Variants in GAS7 observed in about 807,000 individuals in gnomAD.
GAS7 encodes the protein growth arrest-specific protein 7.
GAS7 carries 28 observed loss-of-function variants against 71.1 expected under a neutral mutation model. The ratio of observed to expected loss-of-function variants is 0.39; its 90% CI spans 0.29 to 0.54. The LOEUF (loss-of-function observed/expected upper bound fraction) is 0.54. Among genes scored for constraint, GAS7 ranks in the 20% least tolerant of loss-of-function variants. GAS7 has a pLI of 0.62. For synonymous variants in GAS7, 258 were observed against 245.8 expected, an observed-to-expected ratio of 1.05 and a Z score of -0.46; for missense variants, 436 against 627.8, an observed-to-expected ratio of 0.69 and a Z score of 3.27.
intron 1 of GAS7, among the ~76,000 whole-genome samples, chr17:10,080,971 G>A (rs570324423): frequency 6.6e-6 from 1 of 152,344 alleles, no homozygotes; most frequent in East Asian, 1.9e-4. Flanking sequence ...AGCGAGGTGA[G>A]AATAGAGGGA....
Position 10,172,325 on chromosome 17 carries a change from C to T in GAS7, c.183+25883G>A, listed in dbSNP as rs533627293. ...AGTGCAGCTAACCTCCTTCCTCTGCCGCATGTCCGGCCCTGCCCAAGGATT... is the reference window on the plus strand; with the variant it reads ...AGTGCAGCTAACCTCCTTCCTCTGCTGCATGTCCGGCCCTGCCCAAGGATT... On this transcript the variant is annotated intron_variant, in intron 1 of 13. Transcript: ENST00000432992. Among the ~76,000 whole-genome samples the T allele has an allele frequency of 5.3e-4, 81 of 152,304 alleles. 1 individual carries two copies. The South Asian group carries it at 0.015, about 28-fold the overall frequency.
At chr17:10,082,442 T>TGGG (rs1420778669) in intron 1 of GAS7, among the ~76,000 whole-genome samples, 1 of 152,162 alleles carries the variant, frequency 6.6e-6, no homozygotes, top group Non-Finnish European at 1.5e-5. Context: ...AAATACAAGA[T>TGGG]AAAAGCACCA....
At chr17:10,188,135 C>T (rs561156090) in intron 1 of GAS7, among the ~76,000 whole-genome samples, 8 of 151,852 alleles carry the variant, frequency 5.3e-5, no homozygotes, top group Non-Finnish European at 7.4e-5. Context: ...CCCAGCTACT[C>T]GGGAGGCGGA....
At position 9,916,305 on chromosome 17, in the gene GAS7, C is replaced by G. The variant is rs73974336; in HGVS notation, c.*923G>C. Reference sequence around the variant, plus strand: ...GGGGCCAGGGCAGCCCAAAGGTGCACAGGGCACCGTGGCGGACAGGCCCCA... The same window carrying G: ...GGGGCCAGGGCAGCCCAAAGGTGCAGAGGGCACCGTGGCGGACAGGCCCCA... On this transcript the variant is annotated 3_prime_UTR_variant, in exon 14 of 14. Transcript: ENST00000432992. 0.028 allele frequency: 6,567 copies of G among 233,336 alleles called. 405 individuals carry two copies. The highest frequency in any genetic ancestry group is 0.13 in the African/African-American group (6,016 of 45,450). 14.5% of individuals were successfully genotyped at this position (233,336 alleles called of 1,614,324 possible).
chr17:10,135,915 G>C (rs948700168), intron 1 of GAS7, among the ~76,000 whole-genome samples: 15 of 152,156 alleles, frequency 9.9e-5, no homozygotes. Flanking sequence ...TAATATTAGG[G>C]AGAGATGAAG....
chr17:10,006,317 T>TA (rs962320300), intron 2 of GAS7, among the ~76,000 whole-genome samples: 4 of 48,178 alleles, frequency 8.3e-5, no homozygotes, highest in Non-Finnish European at 1.5e-4. Context: ...CCCCAGATTC[T>TA]TTTTTTTTTT....
At chr17:10,188,269 A>G (rs1383206856) in intron 1 of GAS7, among the ~76,000 whole-genome samples, 10 of 152,164 alleles carry the variant, frequency 6.6e-5, no homozygotes, top group Admixed American at 5.9e-4. Context: ...CCATTTCAAT[A>G]TAGTTACTGA....
chr17:9,926,858 T>C lies in GAS7; in HGVS notation c.886-89A>G. 2 of 1,378,876 alleles carry C rather than the reference T, an allele frequency of 1.5e-6. No individual in the cohort carries two copies. The highest frequency in any genetic ancestry group is 2.1e-6 in the Non-Finnish European group (2 of 970,576). 85.4% of individuals were successfully genotyped at this position (1,378,876 alleles called of 1,614,324 possible). A position where few individuals can be genotyped will look rare whatever the true frequency, so the allele number is the denominator to read the frequency against. On this transcript the variant is annotated intron_variant, in intron 9 of 13. Coordinates refer to ENST00000432992, the MANE Select transcript of GAS7 (RefSeq NM_201433.2). The surrounding 1 kb of genome is among the most constrained non-coding windows in gnomAD (Gnocchi z 5.0). ...GGAGGGATGGGAGGGGCACCCCCACTTCCCCAGGCAAGTGAGGATGAGTCT... is the reference window on the plus strand; with the variant it reads ...GGAGGGATGGGAGGGGCACCCCCACCTCCCCAGGCAAGTGAGGATGAGTCT...
chr17:9,949,904 C>T (rs2068940148), intron 5 of GAS7, among the ~76,000 whole-genome samples: 2 of 146,490 alleles, frequency 1.4e-5, no homozygotes, highest in African/African-American at 2.5e-5. Flanking sequence ...GCTCTGTCAC[C>T]AGGCTGGAGT....
rs561155144 is a variant in GAS7, at chr17:10,055,221, C to A, written c.184-35324G>T. Among the ~76,000 whole-genome samples the A allele has an allele frequency of 7.2e-5, 11 of 152,272 alleles. No homozygotes were observed. The East Asian group carries it at 1.9e-3, about 27-fold the overall frequency. ...GAGAGATGCCCATGGGTAGCAAGCC[C>A]AAGCGCTGGAAGCTAGCACCTGGGA... is the stretch of plus-strand genomic sequence containing the variant. On this transcript the variant is annotated intron_variant, in intron 1 of 13. Coordinates refer to ENST00000432992, the MANE Select transcript of GAS7 (RefSeq NM_201433.2).
chr17:10,039,633 A>C (rs773657884), intron 1 of GAS7: 46 of 410,804 alleles, frequency 1.1e-4, no homozygotes, highest in Non-Finnish European at 1.9e-4. Flanking sequence ...TAGTGAGCCA[A>C]GATCATGCCA....
intron 5 of GAS7, among the ~76,000 whole-genome samples, chr17:9,948,778 C>T (rs2068888643): frequency 6.6e-6 from 1 of 152,186 alleles, no homozygotes; most frequent in Non-Finnish European, 1.5e-5. Flanking sequence ...CCTTTTCTGC[C>T]CGAGCACATC....
In GAS7 at chr17:10,143,503, T is replaced by C. The variant is rs144010504; in HGVS notation, c.183+54705A>G. Reference sequence around the variant, plus strand: ...GTTGCAGTGAGCCGAGATCATGCCATTGCACTACAGCCTGGGCAACGAGAG... The same window carrying C: ...GTTGCAGTGAGCCGAGATCATGCCACTGCACTACAGCCTGGGCAACGAGAG... On this transcript the variant is annotated intron_variant, in intron 1 of 13. Transcript: ENST00000432992. Among the ~76,000 whole-genome samples, 989 of 150,202 alleles carry C rather than the reference T, an allele frequency of 6.6e-3. 17 individuals carry two copies. The South Asian group carries it at 0.068, about 10-fold the overall frequency.
At chr17:10,129,996 A>C (rs1399926328) in intron 1 of GAS7, among the ~76,000 whole-genome samples, 1 of 151,858 alleles carries the variant, frequency 6.6e-6, no homozygotes, top group East Asian at 1.9e-4. Context: ...ATATGGTGAA[A>C]CCACGTCTCT....
intron 8 of GAS7, among the ~76,000 whole-genome samples, chr17:9,937,562 G>A (rs2068446402): frequency 6.6e-6 from 1 of 152,250 alleles, no homozygotes; most frequent in Non-Finnish European, 1.5e-5. Context: ...CGCTGGTCTT[G>A]CTGGGCCGCC....
At chr17:10,032,029 A>G (rs1461993835) in intron 1 of GAS7, among the ~76,000 whole-genome samples, 1 of 151,714 alleles carries the variant, frequency 6.6e-6, no homozygotes, top group African/African-American at 2.4e-5. Flanking sequence ...CACCCCTGAA[A>G]TACAGAGAAC....
intron 1 of GAS7, among the ~76,000 whole-genome samples, chr17:10,047,648 T>C (rs976087291): frequency 1.3e-5 from 2 of 152,128 alleles, no homozygotes; most frequent in African/African-American, 4.8e-5. Flanking sequence ...CTGTGATTTC[T>C]TTGAAAGAGG....
chr17:10,196,220 G>C (rs559332902), intron 1 of GAS7, among the ~76,000 whole-genome samples: 164 of 152,312 alleles, frequency 1.1e-3, no homozygotes, highest in Non-Finnish European at 1.9e-3. Flanking sequence ...ACAGGCGCAG[G>C]GGGTGATACT....
intron 3 of GAS7, among the ~76,000 whole-genome samples, chr17:9,978,534 G>A (rs532424723): frequency 3.3e-5 from 5 of 151,430 alleles, no homozygotes; most frequent in East Asian, 1.9e-4. Flanking sequence ...GAAAATTAGC[G>A]GGGTGTGGTG....
Sources: gnomAD v4.1 joint callset for allele counts (sites outside exome capture counted in the v4.1 genomes callset) on GRCh38, gnomAD v4.1.1 for gene constraint, Gnocchi (gnomAD v3.1) non-coding constraint, MANE v1.5 for transcripts, NCBI Gene and HGNC (gene_info 2026-07-23, HGNC 2026-07-21) for gene names.